The following STAU1 variants were observed in gnomAD, a reference collection of about 807,000 sequenced individuals.
STAU1 encodes double-stranded RNA-binding protein Staufen homolog 1.
In STAU1, 13 loss-of-function variants were observed where a neutral mutation model predicts 62.9. That is an observed-to-expected ratio of 0.21 (90% CI 0.13 to 0.33). STAU1 has a LOEUF of 0.33. Ranked by LOEUF, STAU1 falls within the 10% of genes least tolerant of loss-of-function variation. The pLI is 1.00. For missense variants in STAU1, 571 were observed against 712.1 expected (o/e 0.80, Z 2.25); for synonymous variants, 269 against 265.1 (o/e 1.01, Z -0.14).
chr20:49,127,138 A>G lies in STAU1; in HGVS notation c.610-2551T>C, dbSNP rs572488023. ...GGGAGGCCGAGGTGGGCAGATCACG[A>G]GGTCAGGAGTTCGAGATCAGCCTGG... is the stretch of plus-strand genomic sequence containing the variant. On this transcript the variant is annotated intron_variant, in intron 6 of 13. Transcript: ENST00000371856. Among the ~76,000 whole-genome samples the G allele has an allele frequency of 1.8e-4, 27 of 151,576 alleles. No individual in the cohort carries two copies. The East Asian group carries it at 4.1e-3, about 23-fold the overall frequency.
At chr20:49,177,609 G>A (rs2093675558) in intron 1 of STAU1, among the ~76,000 whole-genome samples, 1 of 151,442 alleles carries the variant, frequency 6.6e-6, no homozygotes, top group African/African-American at 2.4e-5. Context: ...AATTCAGGAG[G>A]CGGAGCTTGC....
chr20:49,178,891 G>T (rs1429126827), intron 1 of STAU1, among the ~76,000 whole-genome samples: 1 of 146,066 alleles, frequency 6.8e-6, no homozygotes, highest in Non-Finnish European at 1.5e-5. Context: ...GGCTAACACG[G>T]TGAAACACCG....
At chr20:49,124,928 A>G (rs2092556195) in intron 6 of STAU1, among the ~76,000 whole-genome samples, 1 of 152,038 alleles carries the variant, frequency 6.6e-6, no homozygotes, top group Non-Finnish European at 1.5e-5. Flanking sequence ...AAATAAATGC[A>G]GTACAAATGC....
intron 3 of STAU1, among the ~76,000 whole-genome samples, chr20:49,163,011 G>C (rs2093472491): frequency 6.6e-6 from 1 of 151,734 alleles, no homozygotes; most frequent in African/African-American, 2.4e-5. Flanking sequence ...GGCCAACATG[G>C]TGAAACCCCA....
intron 1 of STAU1, chr20:49,179,204 G>C (rs974793038): frequency 6.7e-6 from 1 of 149,660 alleles, no homozygotes; most frequent in Non-Finnish European, 1.5e-5. Flanking sequence ...CCGAGATCAC[G>C]CCACTGCACT....
intron 7 of STAU1, 69 bp from the exon 8 acceptor site, chr20:49,123,304 A>G (rs1013560339): frequency 1.2e-6 from 2 of 1,604,368 alleles, no homozygotes; most frequent in African/African-American, 1.3e-5. Context: ...CTCAGAGATC[A>G]GGATATGAGA....
intron 2 of STAU1, among the ~76,000 whole-genome samples, chr20:49,167,847 G>A (rs182992682): frequency 7.8e-4 from 118 of 152,102 alleles, no homozygotes; most frequent in Admixed American, 3.0e-3. Context: ...GTGTATGTAC[G>A]ACTTCACAAC....
intron 2 of STAU1, among the ~76,000 whole-genome samples, chr20:49,169,612 C>G (rs990072221): frequency 1.3e-5 from 2 of 152,174 alleles, no homozygotes; most frequent in Admixed American, 6.5e-5. Context: ...GAGACAAACA[C>G]TATTTTATAC....
At chr20:49,203,947 T>C in the STAU1 span, among the ~76,000 whole-genome samples, 1 of 152,182 alleles carries the variant, frequency 6.6e-6, no homozygotes, top group Non-Finnish European at 1.5e-5. Context: ...GCCTCCCAAG[T>C]GCTGGGATAA....
At chr20:49,176,222 G>A (rs531511198) in intron 1 of STAU1, among the ~76,000 whole-genome samples, 1 of 152,166 alleles carries the variant, frequency 6.6e-6, no homozygotes, top group Non-Finnish European at 1.5e-5. Flanking sequence ...TATGCTTGGT[G>A]ACCCAAATAC....
intron 3 of STAU1, among the ~76,000 whole-genome samples, chr20:49,157,820 C>T (rs1416989107): frequency 6.6e-6 from 1 of 151,932 alleles, no homozygotes; most frequent in East Asian, 1.9e-4. Context: ...GCAGGGTCTC[C>T]CTATGTTGCC....
At chr20:49,162,787 A>T (rs1366978302) in intron 3 of STAU1, among the ~76,000 whole-genome samples, 2 of 151,958 alleles carry the variant, frequency 1.3e-5, no homozygotes, top group Non-Finnish European at 2.9e-5. Context: ...AAAAAAAAAA[A>T]AACAGATTTA....
At chr20:49,170,008 G>A (rs534478867) in intron 2 of STAU1, among the ~76,000 whole-genome samples, 4 of 152,292 alleles carry the variant, frequency 2.6e-5, no homozygotes, top group African/African-American at 4.8e-5. Flanking sequence ...GGCAGTTACC[G>A]TTTTACAAGT....
chr20:49,152,368 G>A (rs1180695964), intron 4 of STAU1, among the ~76,000 whole-genome samples: 2 of 111,508 alleles, frequency 1.8e-5, no homozygotes, highest in Admixed American at 1.0e-4. Flanking sequence ...TTTGTGAGAT[G>A]GAGTTTCTCT....
intron 5 of STAU1, among the ~76,000 whole-genome samples, chr20:49,150,853 A>G (rs1026114335): frequency 6.6e-6 from 1 of 152,142 alleles, no homozygotes; most frequent in Non-Finnish European, 1.5e-5. Context: ...CCATAACATG[A>G]AGAAGTATAA....
the STAU1 span, among the ~76,000 whole-genome samples, chr20:49,199,323 T>C: frequency 2.1e-5 from 3 of 146,256 alleles, no homozygotes; most frequent in African/African-American, 7.5e-5. Context: ...CTCCACCTCC[T>C]GGGTTGAAGT....
intron 8 of STAU1, 95 bp from the exon 9 acceptor site, chr20:49,120,223 C>T: frequency 7.0e-7 from 1 of 1,431,238 alleles, no homozygotes; most frequent in Non-Finnish European, 9.4e-7. Context: ...CAACTATGGT[C>T]AGAAGCAAGA....
the STAU1 span, among the ~76,000 whole-genome samples, chr20:49,198,494 A>G: frequency 6.6e-6 from 1 of 151,970 alleles, no homozygotes; most frequent in Non-Finnish European, 1.5e-5. Context: ...GCAACACAGC[A>G]AGACTCCATC....
the STAU1 span, among the ~76,000 whole-genome samples, chr20:49,204,617 TATATATGTGTATATATATATATA>T: frequency 4.2e-4 from 18 of 42,854 alleles, no homozygotes; most frequent in South Asian, 1.1e-3. Flanking sequence ...TATATATATA[TATATATGTGTATATATATATATA>T]TATATATTTT....
Sources: allele counts gnomAD v4.1 joint callset (sites outside exome capture counted in the v4.1 genomes callset), GRCh38; gene constraint gnomAD v4.1.1; transcripts MANE v1.5; gene names NCBI Gene and HGNC (gene_info 2026-07-23, HGNC 2026-07-21).